Variants in MFSD2B observed in about 807,000 individuals in gnomAD.
The protein encoded by MFSD2B is sphingosine-1-phosphate transporter MFSD2B.
In MFSD2B, 56 loss-of-function variants were observed where a neutral mutation model predicts 58.4. The observed-to-expected ratio is 0.96, with a 90% CI of 0.77 to 1.20. The LOEUF (loss-of-function observed/expected upper bound fraction) is 1.20. Among genes scored for constraint, MFSD2B ranks in the 50% most tolerant of loss-of-function variants. The pLI is 0.00. For missense variants in MFSD2B, 645 were observed against 667.6 expected, an observed-to-expected ratio of 0.97 and a Z score of 0.37; for synonymous variants, 287 against 294.4, an observed-to-expected ratio of 0.97 and a Z score of 0.26.
At position 24,012,179 on chromosome 2, in the gene MFSD2B, C is replaced by CA. The variant is rs796645399; in HGVS notation, c.97-1101dup. 1.2e-4 allele frequency among the ~76,000 whole-genome samples: 18 copies of CA among 148,122 alleles called. 1 individual carries two copies. The highest frequency in any genetic ancestry group is 1.9e-4 in the Non-Finnish European group (13 of 67,230). On this transcript the variant is annotated intron_variant, in intron 1 of 13. Transcript: ENST00000338315. This position sits in a 1 kb window ranked among gnomAD's most constrained non-coding sequence, Gnocchi z 4.5. ...ACACACACACACACACACACACACA[C>CA]AAAAACAGACAAAAAAACCCTGCAA...
chr2:24,011,689 C>G (rs1392376526), intron 1 of MFSD2B, among the ~76,000 whole-genome samples: 1 of 152,174 alleles, frequency 6.6e-6, no homozygotes, highest in Non-Finnish European at 1.5e-5. Context: ...CGGATATATA[C>G]TAAGCACCTA....
chr2:24,016,056 T>G, intron 2 of MFSD2B, 100 bp from the exon 3 acceptor site: 1 of 1,455,074 alleles, frequency 6.9e-7, no homozygotes, highest in South Asian at 1.1e-5. Context: ...TGCCCTCCGG[T>G]CCCGGTTCCC....
intron 1 of MFSD2B, among the ~76,000 whole-genome samples, chr2:24,010,763 G>A (rs1469432975): frequency 6.6e-6 from 1 of 152,176 alleles, no homozygotes; most frequent in Non-Finnish European, 1.5e-5. Context: ...GGGCTGTGCT[G>A]GACGGAGCAA....
In MFSD2B at chr2:24,013,420, G is replaced by A. The variant is rs1331968031; in HGVS notation, c.222+10G>A. Reference sequence around the variant, plus strand: ...GCTTGATATAGCACAGGTAAGTGTGGGCAGTAGCCCAGTCTCTGCTGGCAT... The same window carrying A: ...GCTTGATATAGCACAGGTAAGTGTGAGCAGTAGCCCAGTCTCTGCTGGCAT... On this transcript the variant is annotated intron_variant, in intron 2 of 13. Transcript: ENST00000338315. 4.4e-6 allele frequency: 7 copies of A among 1,593,698 alleles called. No individual in the cohort carries two copies. Among genetic ancestry groups the A allele is most frequent in the African/African-American group, 1.3e-5 (1 of 74,574 alleles).
chr2:24,011,478 T>C (rs1708951524), intron 1 of MFSD2B, among the ~76,000 whole-genome samples: 1 of 151,972 alleles, frequency 6.6e-6, no homozygotes, highest in Non-Finnish European at 1.5e-5. Flanking sequence ...GTAGGAAGAG[T>C]GTGCAAAGTG....
At chr2:24,013,967 G>A (rs1241685841) in intron 2 of MFSD2B, among the ~76,000 whole-genome samples, 5 of 148,450 alleles carry the variant, frequency 3.4e-5, no homozygotes, top group South Asian at 2.2e-4. Flanking sequence ...TCAGCCTCCC[G>A]AGTAGCTGGG....
rs150239590 is a variant in MFSD2B at position 24,022,798 on chromosome 2, C to T, written c.979-24C>T. ...AAAGGCGCTGGCAGCACGGCCCTGG[C>T]GTGACGATGCTGTCTGCTCACAGGT... On this transcript the variant is annotated intron_variant, in intron 9 of 13. Transcript: ENST00000338315. The surrounding 1 kb of genome is among the most constrained non-coding windows in gnomAD (Gnocchi z 4.5). 8.1e-5 allele frequency: 123 copies of T among 1,526,798 alleles called. No individual in the cohort carries two copies. Among genetic ancestry groups the T allele is most frequent in the Non-Finnish European group, 9.8e-5 (111 of 1,136,926 alleles). The allele number at this position is 1,526,798 out of a possible 1,614,324, so 94.6% of individuals were successfully genotyped here.
At position 24,024,434 on chromosome 2, in the gene MFSD2B, A is replaced by G; in HGVS notation, c.1490+163A>G. 1.4e-6 allele frequency: 1 copy of G among 692,214 alleles called. No homozygotes were observed. The highest frequency in any genetic ancestry group is 2.4e-6 in the Non-Finnish European group (1 of 422,274). 42.9% of individuals were successfully genotyped at this position (692,214 alleles called of 1,614,324 possible). A position where few individuals can be genotyped will look rare whatever the true frequency, so the allele number is the denominator to read the frequency against. On this transcript the variant is annotated intron_variant, in intron 13 of 13. Coordinates refer to ENST00000338315, the MANE Select transcript of MFSD2B (RefSeq NM_001346880.2). The surrounding 1 kb of genome is among the most constrained non-coding windows in gnomAD (Gnocchi z 4.3). ...CTTTTCTCCTGGATTTTCTTCTCCC[A>G]CTCTGGCCACCCCTTCTCAGTCTTC...
chr2:24,011,192 C>T (rs1460485063), intron 1 of MFSD2B, among the ~76,000 whole-genome samples: 1 of 151,386 alleles, frequency 6.6e-6, no homozygotes, highest in Non-Finnish European at 1.5e-5. Flanking sequence ...GTACAGCTCA[C>T]TGTACAGCTG....
At chr2:24,016,052 C>G in intron 2 of MFSD2B, 104 bp from the exon 3 acceptor site, 1 of 1,424,468 alleles carries the variant, frequency 7.0e-7, no homozygotes, top group Non-Finnish European at 9.8e-7. Context: ...GCTCTGCCCT[C>G]CGGTCCCGGT....
chr2:24,016,154 A>G lies in MFSD2B; in HGVS notation c.223-2A>G. 1 of 1,613,260 alleles carries G rather than the reference A, an allele frequency of 6.2e-7. No individual in the cohort carries two copies. The highest frequency in any genetic ancestry group is 8.5e-7 in the Non-Finnish European group (1 of 1,179,808). ...CTCTATCCCCTCCCCTGTCTGTTTCAGATCCCTGCCGCCCAGGTGTCACTT... is the reference window on the plus strand; with the variant it reads ...CTCTATCCCCTCCCCTGTCTGTTTCGGATCCCTGCCGCCCAGGTGTCACTT... On this transcript the variant is annotated splice_acceptor_variant, in intron 2 of 13. Coordinates refer to ENST00000338315, the MANE Select transcript of MFSD2B (RefSeq NM_001346880.2). LOFTEE classifies it high-confidence loss of function.
Position 24,018,732 on chromosome 2 carries a change from AAG to A in MFSD2B, c.681+1145_681+1146del, listed in dbSNP as rs200351928. On this transcript the variant is annotated intron_variant, in intron 6 of 13. Coordinates refer to ENST00000338315, the MANE Select transcript of MFSD2B (RefSeq NM_001346880.2). The stretch of plus-strand genomic sequence containing the variant: ...TCCTTTTCTGGAAAAAAAAAAAAAA[AAG>A]GAGTTTGAGCATGGGTGGCCCTCGC... The A allele has an allele frequency of 1.0e-3, 179 of 171,844 alleles. 4 individuals carry two copies. In the East Asian group the frequency reaches 0.018, roughly 17 times the overall value. The allele number at this position is 171,844 out of a possible 1,614,324, so 10.6% of individuals were successfully genotyped here.
chr2:24,025,042 C>T (rs763281638), intron 13 of MFSD2B, among the ~76,000 whole-genome samples: 1 of 152,354 alleles, frequency 6.6e-6, no homozygotes, highest in East Asian at 1.9e-4. Flanking sequence ...AGCATCACCA[C>T]GTCTGGTCCA....
rs767651863 is a variant in MFSD2B at position 24,022,913 on chromosome 2, C to G, written c.1059+11C>G. On this transcript the variant is annotated intron_variant, in intron 10 of 13. Transcript: ENST00000338315. This position sits in a 1 kb window ranked among gnomAD's most constrained non-coding sequence, Gnocchi z 4.5. ...GCCTTTGGGATCTTTGTGAGTGAGG[C>G]GGGAATCAAGGATTGGGGGTGGCCG... is the stretch of plus-strand genomic sequence containing the variant. 1.9e-6 allele frequency: 3 copies of G among 1,603,856 alleles called. No individual in the cohort carries two copies. Among genetic ancestry groups the G allele is most frequent in the South Asian group, 1.1e-5 (1 of 89,202 alleles).
rs568303745 is a variant in MFSD2B, at chr2:24,012,594, G to A, written c.97-691G>A. On this transcript the variant is annotated intron_variant, in intron 1 of 13. Coordinates refer to ENST00000338315, the MANE Select transcript of MFSD2B (RefSeq NM_001346880.2). The surrounding 1 kb of genome is among the most constrained non-coding windows in gnomAD (Gnocchi z 4.5). ...GGGTGGAGTGGATTGTAGGGAGCAA[G>A]GGCAGACACAGAAGCCACTTAGGAG... Among the ~76,000 whole-genome samples the A allele has an allele frequency of 6.6e-6, 1 of 152,290 alleles. No homozygotes were observed. The highest frequency in any genetic ancestry group is 2.1e-4 in the South Asian group (1 of 4,828).
rs77874563 is a variant in MFSD2B at position 24,014,780 on chromosome 2, G to A, written c.222+1370G>A. Among the ~76,000 whole-genome samples, 276 of 152,198 alleles carry A rather than the reference G, an allele frequency of 1.8e-3. 3 individuals are homozygous for A. Among genetic ancestry groups the A allele is most frequent in the Admixed American group, 0.013 (191 of 15,278 alleles). On this transcript the variant is annotated intron_variant, in intron 2 of 13. Coordinates refer to ENST00000338315, the MANE Select transcript of MFSD2B (RefSeq NM_001346880.2). ...CACCAACTCGTTAATGTTGGCTACC[G>A]GAGGGAATGATGGAGAATGGAGGGT...
chr2:24,023,411 G>A lies in MFSD2B; in HGVS notation c.1169+172G>A. The A allele has an allele frequency of 1.1e-6, 1 of 927,694 alleles. No homozygotes were observed. Among genetic ancestry groups the A allele is most frequent in the Non-Finnish European group, 1.6e-6 (1 of 616,440 alleles). 57.5% of individuals were successfully genotyped at this position (927,694 alleles called of 1,614,324 possible). ...AGGCAGTAGGAATGGCGGGGGGCCG[G>A]CAGGGGGCTGGCGGGGGGTACGAGC... On this transcript the variant is annotated intron_variant, in intron 11 of 13. Coordinates refer to ENST00000338315, the MANE Select transcript of MFSD2B (RefSeq NM_001346880.2). This position sits in a 1 kb window ranked among gnomAD's most constrained non-coding sequence, Gnocchi z 5.0.
At position 24,022,457 on chromosome 2, in the gene MFSD2B, T is replaced by G. The variant is rs768860750; in HGVS notation, c.919T>G (p.Phe307Val). Residue 307 changes from phenylalanine (F) to valine (V), a missense_variant, in exon 9 of 14, where the codon TTC (phenylalanine) becomes GTC (valine). Phe to Val is a conservative substitution (Grantham distance 50). Transcript: ENST00000338315. The surrounding 1 kb of genome is among the most constrained non-coding windows in gnomAD (Gnocchi z 4.5). ...GGTGGAGCAGAGCTACCTGGTCCTG[T>G]TCTGTACACATGCCTCCCAGCTACA... ...VQVEQSYLVL[F>V]CTHASQLHDH... is the part of the protein sequence containing the mutation. 1 of 1,613,220 alleles carries G rather than the reference T, an allele frequency of 6.2e-7. No homozygotes were observed. Among genetic ancestry groups the G allele is most frequent in the Non-Finnish European group, 8.5e-7 (1 of 1,179,656 alleles).
intron 1 of MFSD2B, 62 bp from the exon 2 acceptor site, chr2:24,013,222 TG>T: frequency 6.7e-7 from 1 of 1,492,938 alleles, no homozygotes; most frequent in South Asian, 1.4e-5. Flanking sequence ...ACTGAAGTCA[TG>T]GGGTGTGGGG....
Sources: allele counts gnomAD v4.1 joint callset (sites outside exome capture counted in the v4.1 genomes callset), GRCh38; gene constraint gnomAD v4.1.1; non-coding constraint Gnocchi (gnomAD v3.1); transcripts MANE v1.5; gene names NCBI Gene and HGNC (gene_info 2026-07-23, HGNC 2026-07-21).